Variants in ADAMTS3 observed in about 807,000 individuals in gnomAD.
The protein encoded by ADAMTS3 is A disintegrin and metalloproteinase with thrombospondin motifs 3.
A neutral mutation model predicts 129.0 loss-of-function variants in ADAMTS3; 73 were observed. The ratio of observed to expected loss-of-function variants is 0.57; its 90% CI spans 0.47 to 0.69. ADAMTS3 has a LOEUF of 0.69. Among genes scored for constraint, ADAMTS3 ranks in the 30% least tolerant of loss-of-function variants. ADAMTS3 has a pLI of 0.00. For missense variants in ADAMTS3, 1,457 were observed against 1,514.5 expected (o/e 0.96, Z 0.63); for synonymous variants, 477 against 510.8 (o/e 0.93, Z 0.89).
chr4:72,382,721 C>G (rs1721326467), intron 4 of ADAMTS3, among the ~76,000 whole-genome samples: 1 of 152,224 alleles, frequency 6.6e-6, no homozygotes, highest in African/African-American at 2.4e-5. Flanking sequence ...AAATCATGTC[C>G]TTCATAGCAA....
chr4:72,389,334 C>T (rs933439096), intron 4 of ADAMTS3, among the ~76,000 whole-genome samples: 1 of 152,072 alleles, frequency 6.6e-6, no homozygotes, highest in South Asian at 2.1e-4. Context: ...TGAATGACCA[C>T]CCCTCAGGAA....
intron 4 of ADAMTS3, among the ~76,000 whole-genome samples, chr4:72,367,882 A>G (rs1448070958): frequency 6.6e-6 from 1 of 151,004 alleles, no homozygotes; most frequent in Non-Finnish European, 1.5e-5. Context: ...ACTAGTTGGG[A>G]GTCTAACGTT....
chr4:72,434,026 T>C (rs1203762679), intron 3 of ADAMTS3, among the ~76,000 whole-genome samples: 1 of 151,810 alleles, frequency 6.6e-6, no homozygotes, highest in South Asian at 2.1e-4. Context: ...TGGTCAGATA[T>C]ACTAACAATC....
At chr4:72,559,201 C>G (rs1721841373) in intron 2 of ADAMTS3, among the ~76,000 whole-genome samples, 1 of 151,794 alleles carries the variant, frequency 6.6e-6, no homozygotes, top group Non-Finnish European at 1.5e-5. Flanking sequence ...TTTCCTTAAC[C>G]TGTGTGAACT....
intron 4 of ADAMTS3, among the ~76,000 whole-genome samples, chr4:72,359,063 G>A (rs762892706): frequency 2.4e-4 from 37 of 151,904 alleles, no homozygotes; most frequent in Non-Finnish European, 4.4e-4. Context: ...AGGAATAAAC[G>A]ATCTGCAATT....
intron 3 of ADAMTS3, among the ~76,000 whole-genome samples, chr4:72,493,367 T>C (rs996749083): frequency 2.0e-5 from 3 of 152,012 alleles, no homozygotes; most frequent in Non-Finnish European, 2.9e-5. Context: ...TTTATTTTCT[T>C]TATCTTTTGT....
At chr4:72,478,564 T>G (rs1719316216) in intron 3 of ADAMTS3, among the ~76,000 whole-genome samples, 1 of 148,192 alleles carries the variant, frequency 6.7e-6, no homozygotes. Context: ...GAGCTATCTA[T>G]GACAAACCCA....
At chr4:72,443,826 G>T (rs900657940) in intron 3 of ADAMTS3, among the ~76,000 whole-genome samples, 3 of 151,520 alleles carry the variant, frequency 2.0e-5, no homozygotes, top group African/African-American at 7.3e-5. Context: ...TGGTCATTTT[G>T]GTGATCATCT....
intron 3 of ADAMTS3, among the ~76,000 whole-genome samples, chr4:72,525,572 C>T (rs559584692): frequency 1.3e-5 from 2 of 152,228 alleles, no homozygotes; most frequent in South Asian, 4.1e-4. Context: ...AAAAAATGAG[C>T]AAAGGCAAGA....
intron 5 of ADAMTS3, among the ~76,000 whole-genome samples, chr4:72,325,008 G>A (rs1181237908): frequency 6.6e-6 from 1 of 152,016 alleles, no homozygotes; most frequent in Non-Finnish European, 1.5e-5. Context: ...ATCTCATAGG[G>A]TTAGGGTGAG....
intron 19 of ADAMTS3, among the ~76,000 whole-genome samples, chr4:72,291,714 T>C (rs1560460544): frequency 1.3e-5 from 2 of 151,990 alleles, no homozygotes; most frequent in Non-Finnish European, 2.9e-5. Flanking sequence ...TAAACATACG[T>C]GTGCATGTGT....
chr4:72,546,919 G>A (rs1464991443), intron 3 of ADAMTS3, among the ~76,000 whole-genome samples: 1 of 152,088 alleles, frequency 6.6e-6, no homozygotes, highest in East Asian at 1.9e-4. Flanking sequence ...GTAGAAGTAG[G>A]GAGGAAAAGC....
intron 4 of ADAMTS3, among the ~76,000 whole-genome samples, chr4:72,385,109 G>A (rs1721410598): frequency 6.6e-6 from 1 of 152,040 alleles, no homozygotes; most frequent in African/African-American, 2.4e-5. Flanking sequence ...GAACCTGGGA[G>A]GTGGAGCTTG....
At chr4:72,356,095 A>C (rs943629868) in intron 4 of ADAMTS3, among the ~76,000 whole-genome samples, 28 of 152,230 alleles carry the variant, frequency 1.8e-4, no homozygotes, top group African/African-American at 6.3e-4. Context: ...GAAATACAGC[A>C]AGTGATCAAT....
chr4:72,315,518 T>C (rs1052472804), intron 11 of ADAMTS3, among the ~76,000 whole-genome samples: 3 of 152,098 alleles, frequency 2.0e-5, no homozygotes, highest in African/African-American at 7.2e-5. Flanking sequence ...CACCAGATGC[T>C]GGGAGAAGCA....
chr4:72,510,903 A>G (rs755535448), intron 3 of ADAMTS3, among the ~76,000 whole-genome samples: 1 of 151,718 alleles, frequency 6.6e-6, no homozygotes, highest in South Asian at 2.1e-4. Context: ...TAAACAAAAC[A>G]GCATGATACT....
chr4:72,459,345 T>G (rs1007164349), intron 3 of ADAMTS3, among the ~76,000 whole-genome samples: 1 of 151,626 alleles, frequency 6.6e-6, no homozygotes, highest in African/African-American at 2.4e-5. Flanking sequence ...ATTTATTTGC[T>G]AAATATTTCA....
intron 3 of ADAMTS3, among the ~76,000 whole-genome samples, chr4:72,538,721 G>A (rs540178409): frequency 2.6e-5 from 4 of 152,176 alleles, no homozygotes; most frequent in South Asian, 2.1e-4. Context: ...GAGAAAAAAA[G>A]AAGCATAAAG....
chr4:72,493,505 C>T (rs1399232196), intron 3 of ADAMTS3, among the ~76,000 whole-genome samples: 2 of 152,014 alleles, frequency 1.3e-5, no homozygotes, highest in Non-Finnish European at 1.5e-5. Flanking sequence ...TATACTTTTA[C>T]TCCTCATACA....
Sources: allele counts gnomAD v4.1 joint callset (sites outside exome capture counted in the v4.1 genomes callset), GRCh38; gene constraint gnomAD v4.1.1; transcripts MANE v1.5; gene names NCBI Gene and HGNC (gene_info 2026-07-23, HGNC 2026-07-21).